The following THSD7B variants were observed in gnomAD, a reference collection of about 807,000 sequenced individuals.
THSD7B encodes thrombospondin type 1 domain containing 7B.
In THSD7B, 138 loss-of-function variants were observed where a neutral mutation model predicts 213.6. The ratio of observed to expected loss-of-function variants is 0.65; its 90% CI spans 0.56 to 0.74. THSD7B has a LOEUF of 0.74. Ranked by LOEUF, THSD7B falls within the 30% of genes least tolerant of loss-of-function variation. The pLI, the probability that THSD7B is intolerant of heterozygous loss-of-function variation, is 0.00. For synonymous variants in THSD7B, 742 were observed against 687.0 expected (o/e 1.08, Z -1.25); for missense variants, 1,931 against 1,991.5 (o/e 0.97, Z 0.58).
chr2:137,093,537 A>G (rs1687989573), intron 3 of THSD7B, among the ~76,000 whole-genome samples: 1 of 152,178 alleles, frequency 6.6e-6, no homozygotes, highest in African/African-American at 2.4e-5. Flanking sequence ...TCCCATCCCC[A>G]AAAGGTATGA....
chr2:137,093,239 C>T (rs554945466), intron 3 of THSD7B, among the ~76,000 whole-genome samples: 20 of 148,842 alleles, frequency 1.3e-4, no homozygotes, highest in Non-Finnish European at 2.4e-4. Flanking sequence ...GAGCAGCTTT[C>T]GAAGAACCCT....
At chr2:137,360,460 C>A (rs1685227958) in intron 12 of THSD7B, among the ~76,000 whole-genome samples, 1 of 152,096 alleles carries the variant, frequency 6.6e-6, no homozygotes, top group African/African-American at 2.4e-5. Context: ...CCTTTCCTAG[C>A]CAAGGGAAGC....
intron 5 of THSD7B, among the ~76,000 whole-genome samples, chr2:137,131,682 A>G (rs1372813579): frequency 2.0e-5 from 3 of 152,292 alleles, no homozygotes; most frequent in South Asian, 2.1e-4. Flanking sequence ...CAAATATCAG[A>G]TAGTTGTAGA....
intron 2 of THSD7B, among the ~76,000 whole-genome samples, chr2:136,890,377 C>CT (rs1491403615): frequency 2.1e-3 from 3 of 1,460 alleles, no homozygotes; most frequent in African/African-American, 4.4e-3. Context: ...CTTCTTCTTC[C>CT]TCTTCCTCTT....
chr2:137,347,835 T>G (rs1439074616), intron 12 of THSD7B, among the ~76,000 whole-genome samples: 1 of 151,600 alleles, frequency 6.6e-6, no homozygotes, highest in African/African-American at 2.4e-5. Context: ...CTTAATGTTA[T>G]AGTTCCACTA....
intron 7 of THSD7B, among the ~76,000 whole-genome samples, chr2:137,207,709 A>G (rs954711708): frequency 3.3e-5 from 5 of 152,062 alleles, no homozygotes; most frequent in African/African-American, 9.7e-5. Context: ...TTGGGCAAGA[A>G]CATAAAGACA....
At chr2:137,489,184 T>C (rs1573656712) in intron 15 of THSD7B, among the ~76,000 whole-genome samples, 1 of 152,092 alleles carries the variant, frequency 6.6e-6, no homozygotes, top group African/African-American at 2.4e-5. Context: ...ACTAGCACTT[T>C]GGGAGGCTGA....
At chr2:137,129,797 A>C (rs1688695807) in intron 5 of THSD7B, among the ~76,000 whole-genome samples, 1 of 152,220 alleles carries the variant, frequency 6.6e-6, no homozygotes. Context: ...ATTTATGATT[A>C]TAAGTATTTG....
intron 15 of THSD7B, among the ~76,000 whole-genome samples, chr2:137,501,576 T>G (rs1484905942): frequency 1.3e-5 from 2 of 152,188 alleles, no homozygotes; most frequent in Non-Finnish European, 2.9e-5. Flanking sequence ...AGATGATACC[T>G]CTATAGGTTT....
chr2:136,887,486 G>A (rs141093555), intron 2 of THSD7B, among the ~76,000 whole-genome samples: 1 of 152,250 alleles, frequency 6.6e-6, no homozygotes, highest in Non-Finnish European at 1.5e-5. Context: ...GATCCCTGAA[G>A]AATGGCTTGG....
chr2:137,168,472 G>A (rs1171401622), intron 6 of THSD7B, among the ~76,000 whole-genome samples: 1 of 152,120 alleles, frequency 6.6e-6, no homozygotes, highest in African/African-American at 2.4e-5. Context: ...TTTATGCTGA[G>A]CTTGTGCTGT....
At chr2:136,975,804 C>A (rs1469289790) in intron 2 of THSD7B, among the ~76,000 whole-genome samples, 2 of 152,252 alleles carry the variant, frequency 1.3e-5, no homozygotes, top group East Asian at 1.9e-4. Flanking sequence ...GATATTGATT[C>A]TTCCTATCCA....
At chr2:137,506,694 C>T (rs904943266) in intron 15 of THSD7B, among the ~76,000 whole-genome samples, 3 of 152,200 alleles carry the variant, frequency 2.0e-5, no homozygotes, top group Admixed American at 6.5e-5. Context: ...AGCACTCACT[C>T]TTTTACAGGG....
intron 1 of THSD7B, among the ~76,000 whole-genome samples, chr2:136,881,058 G>T (rs528164409): frequency 6.6e-6 from 1 of 152,028 alleles, no homozygotes; most frequent in Non-Finnish European, 1.5e-5. Context: ...AACACAAAAC[G>T]CATTTCAACG....
At chr2:137,017,516 C>G in intron 2 of THSD7B, among the ~76,000 whole-genome samples, 1 of 152,034 alleles carries the variant, frequency 6.6e-6, no homozygotes, top group Non-Finnish European at 1.5e-5. Context: ...TATAAGGTAT[C>G]ATAGAAGCCA....
At position 137,653,815 on chromosome 2, in the gene THSD7B, A is replaced by T. The variant is rs182019606; in HGVS notation, c.3946-1686A>T. 1.8e-4 allele frequency among the ~76,000 whole-genome samples: 28 copies of T among 152,160 alleles called. No individual in the cohort carries two copies. In the East Asian group the frequency reaches 3.9e-3, roughly 21 times the overall value. ...TAATTTCTCTGATAAATTTCTGAAT[A>T]GATTTTCTGTGTTATCTTGGAGATC... On this transcript the variant is annotated intron_variant, in intron 21 of 27. Transcript: ENST00000409968.
At chr2:137,221,832 AT>A (rs953106406) in intron 7 of THSD7B, among the ~76,000 whole-genome samples, 1 of 152,208 alleles carries the variant, frequency 6.6e-6, no homozygotes, top group African/African-American at 2.4e-5. Flanking sequence ...GACTTACCCA[AT>A]CTAACTTAAA....
intron 13 of THSD7B, among the ~76,000 whole-genome samples, chr2:137,406,439 C>T (rs867364981): frequency 7.9e-5 from 12 of 152,164 alleles, no homozygotes; most frequent in African/African-American, 2.2e-4. Flanking sequence ...TATTTTACTA[C>T]GTGCCTAGAT....
At chr2:137,350,581 A>T (rs544677208) in intron 12 of THSD7B, among the ~76,000 whole-genome samples, 1 of 151,948 alleles carries the variant, frequency 6.6e-6, no homozygotes, top group South Asian at 2.1e-4. Context: ...ACCATTGCAG[A>T]GCATGAAGTT....
Sources: gnomAD v4.1 joint callset for allele counts (sites outside exome capture counted in the v4.1 genomes callset) on GRCh38, gnomAD v4.1.1 for gene constraint, MANE v1.5 for transcripts, NCBI Gene and HGNC (gene_info 2026-07-23, HGNC 2026-07-21) for gene names.